The following CNTNAP3B variants were observed in gnomAD, a reference collection of about 807,000 sequenced individuals.
CNTNAP3B encodes the protein contactin-associated protein-like 3B.
In CNTNAP3B, 25 loss-of-function variants were observed where a neutral mutation model predicts 108.9. That is an observed-to-expected ratio of 0.23 (90% CI 0.17 to 0.32). CNTNAP3B has a LOEUF of 0.32. Among genes scored for constraint, CNTNAP3B ranks in the 10% least tolerant of loss-of-function variants. The pLI is 1.00. For synonymous variants in CNTNAP3B, 103 were observed against 473.4 expected (o/e 0.22, Z 10.16); for missense variants, 252 against 1,210.4 (o/e 0.21, Z 11.75).
chr9:41,967,626 T>C (rs1225411236), intron 10 of CNTNAP3B, among the ~76,000 whole-genome samples: 1 of 152,306 alleles, frequency 6.6e-6, no homozygotes, highest in African/African-American at 2.4e-5. Flanking sequence ...ATTTTCAGTA[T>C]TTTCAGGTTT....
chr9:41,928,417 G>T (rs1451872911), intron 15 of CNTNAP3B, among the ~76,000 whole-genome samples: 1 of 151,982 alleles, frequency 6.6e-6, no homozygotes, highest in Non-Finnish European at 1.5e-5. Context: ...CATCAAGCAG[G>T]AGACAAGCCG....
At chr9:42,043,016 TTA>T (rs1826795892) in intron 3 of CNTNAP3B, among the ~76,000 whole-genome samples, 1 of 149,998 alleles carries the variant, frequency 6.7e-6, no homozygotes, top group Non-Finnish European at 1.5e-5. Context: ...TCATCATAGC[TTA>T]TGTTTTTGAG....
intron 14 of CNTNAP3B, among the ~76,000 whole-genome samples, chr9:41,931,263 A>G (rs1464726110): frequency 3.3e-5 from 5 of 152,392 alleles, no homozygotes; most frequent in African/African-American, 1.2e-4. Flanking sequence ...TACAATGCAT[A>G]ATGATCAAAT....
intron 14 of CNTNAP3B, among the ~76,000 whole-genome samples, chr9:41,932,509 T>A (rs993750797): frequency 2.7e-5 from 4 of 146,074 alleles, no homozygotes; most frequent in Non-Finnish European, 6.0e-5. Flanking sequence ...ACTTTTTAAC[T>A]TTTTTTTCTT....
chr9:41,960,315 T>G, intron 12 of CNTNAP3B: 1 of 177,156 alleles, frequency 5.6e-6, no homozygotes, highest in Non-Finnish European at 1.2e-5. Flanking sequence ...TGTTCATTTC[T>G]AATATCTAAA....
chr9:42,005,430 T>C (rs1826073177), intron 4 of CNTNAP3B, among the ~76,000 whole-genome samples: 1 of 98,284 alleles, frequency 1.0e-5, no homozygotes, highest in Non-Finnish European at 2.0e-5. Flanking sequence ...CTGCCTGCCT[T>C]GGCCTCCTAA....
intron 3 of CNTNAP3B, among the ~76,000 whole-genome samples, chr9:42,041,461 T>C (rs1475734735): frequency 6.7e-6 from 1 of 150,316 alleles, no homozygotes; most frequent in Non-Finnish European, 1.5e-5. Flanking sequence ...AGAAGACATT[T>C]ATGCAGCCAA....
chr9:41,962,820 T>C (rs1164296139), intron 11 of CNTNAP3B, among the ~76,000 whole-genome samples: 3 of 152,170 alleles, frequency 2.0e-5, no homozygotes, highest in Non-Finnish European at 2.9e-5. Flanking sequence ...CCAGGCGTGG[T>C]GGCGGGCGCC....
chr9:41,958,306 T>G (rs1824938755), intron 12 of CNTNAP3B, among the ~76,000 whole-genome samples: 1 of 152,302 alleles, frequency 6.6e-6, no homozygotes, highest in South Asian at 2.1e-4. Flanking sequence ...GCTGTTTTGT[T>G]GTTGTTTTTG....
At chr9:41,925,321 C>A (rs1447070573) in intron 15 of CNTNAP3B, among the ~76,000 whole-genome samples, 1 of 152,156 alleles carries the variant, frequency 6.6e-6, no homozygotes, top group Admixed American at 6.5e-5. Flanking sequence ...CGGCTAGGCG[C>A]AGTGGCTCAC....
intron 3 of CNTNAP3B, among the ~76,000 whole-genome samples, chr9:42,073,839 C>A (rs1390679883): frequency 7.0e-6 from 1 of 143,360 alleles, no homozygotes; most frequent in African/African-American, 2.7e-5. Flanking sequence ...TGTAGCAGTT[C>A]AAGAAACGCG....
intron 2 of CNTNAP3B, among the ~76,000 whole-genome samples, chr9:42,098,146 T>C (rs1229929370): frequency 7.2e-6 from 1 of 139,462 alleles, no homozygotes; most frequent in Admixed American, 7.1e-5. Flanking sequence ...AAGTTGATTA[T>C]TGGAGTTTAT....
intron 14 of CNTNAP3B, among the ~76,000 whole-genome samples, chr9:41,937,108 T>A (rs1824181545): frequency 1.5e-5 from 1 of 64,538 alleles, no homozygotes; most frequent in Non-Finnish European, 3.1e-5. Context: ...ATTTTTTATT[T>A]ATTAATTTAT....
intron 14 of CNTNAP3B, among the ~76,000 whole-genome samples, chr9:41,934,241 C>G (rs1234270746): frequency 7.8e-6 from 1 of 127,628 alleles, no homozygotes; most frequent in African/African-American, 3.0e-5. Context: ...TTTTTTGAGA[C>G]AGAGTCTTGG....
intron 13 of CNTNAP3B, among the ~76,000 whole-genome samples, chr9:41,951,449 C>T (rs1587136717): frequency 1.4e-5 from 2 of 139,616 alleles, no homozygotes; most frequent in Admixed American, 1.5e-4. Flanking sequence ...TTTGTAATGC[C>T]AACTTTAAAA....
chr9:42,058,705 G>GA, intron 3 of CNTNAP3B, among the ~76,000 whole-genome samples: 1 of 124,188 alleles, frequency 8.1e-6, no homozygotes, highest in African/African-American at 3.3e-5. Flanking sequence ...ATGTGGTGCA[G>GA]AAAATTAGTT....
At chr9:42,056,396 G>A (rs1460460458) in intron 3 of CNTNAP3B, among the ~76,000 whole-genome samples, 10 of 138,628 alleles carry the variant, frequency 7.2e-5, no homozygotes, top group Non-Finnish European at 1.2e-4. Context: ...TGTCGCCCAG[G>A]CTGGAGTGCA....
chr9:42,101,926 G>A (rs1229705461), intron 2 of CNTNAP3B, among the ~76,000 whole-genome samples: 1 of 91,398 alleles, frequency 1.1e-5, no homozygotes, highest in East Asian at 5.6e-4. Flanking sequence ...GTGTGGTGGC[G>A]GGCACCTGCA....
At position 41,964,720 on chromosome 9, in the gene CNTNAP3B, A is replaced by C. The variant is rs1239411372; in HGVS notation, c.1650-76T>G. 3.2e-6 allele frequency: 5 copies of C among 1,538,718 alleles called. No homozygotes were observed. In the East Asian group the frequency reaches 1.2e-4, roughly 37 times the overall value. ...ATAAGTGTCTTACCAAAAACAGGTT[A>C]ATGTGAAAGGCCAGCATACGCAAGA... On this transcript the variant is annotated intron_variant, in intron 10 of 23. Transcript: ENST00000377561.
Sources: allele counts gnomAD v4.1 joint callset (sites outside exome capture counted in the v4.1 genomes callset), GRCh38; gene constraint gnomAD v4.1.1; transcripts MANE v1.5; gene names NCBI Gene and HGNC (gene_info 2026-07-23, HGNC 2026-07-21).